The following HDAC9 variants were observed in gnomAD, a reference collection of about 807,000 sequenced individuals.
The protein encoded by HDAC9 is histone deacetylase 9.
In HDAC9, 41 loss-of-function variants were observed where a neutral mutation model predicts 139.4. That is an observed-to-expected ratio of 0.29 (90% confidence interval 0.23 to 0.38). HDAC9 has a LOEUF of 0.38. HDAC9 is among the 10% of genes least tolerant of loss of function. The probability of loss-of-function intolerance (pLI) is 1.00; values close to 1 mark genes in which losing one functional copy is unlikely to be tolerated. For synonymous variants in HDAC9, 517 were observed against 476.2 expected (o/e 1.09, Z -1.12); for missense variants, 1,147 against 1,297.0 (o/e 0.88, Z 1.78).
At chr7:18,956,722 A>G (rs555124199) in intron 24 of HDAC9, among the ~76,000 whole-genome samples, 51 of 152,116 alleles carry the variant, frequency 3.4e-4, no homozygotes, top group Non-Finnish European at 5.9e-4. Context: ...GGGAAGTTCA[A>G]CTTAGCTCCA....
intron 1 of HDAC9, among the ~76,000 whole-genome samples, chr7:18,408,235 C>T (rs1047284723): frequency 3.9e-5 from 6 of 152,106 alleles, no homozygotes; most frequent in Admixed American, 2.6e-4. Flanking sequence ...TTATCAGCTA[C>T]ATGAAGGCAA....
rs1293302742 is a variant in HDAC9, at chr7:18,721,614, T to G, written c.1732-5966T>G. On this transcript the variant is annotated intron_variant, in intron 12 of 25. Transcript: ENST00000686413. ...CTCTTGCTAAAGTCCATGATGATATTGATTCTAGCCCATGAGTAACCACCC... is the reference window on the plus strand; with the variant it reads ...CTCTTGCTAAAGTCCATGATGATATGGATTCTAGCCCATGAGTAACCACCC... Among the ~76,000 whole-genome samples, 15 of 152,192 alleles carry G rather than the reference T, an allele frequency of 9.9e-5. 1 individual carries two copies.
intron 21 of HDAC9, among the ~76,000 whole-genome samples, chr7:18,852,594 T>G (rs963829810): frequency 2.0e-5 from 3 of 152,190 alleles, no homozygotes; most frequent in Non-Finnish European, 4.4e-5. Flanking sequence ...ATGGTAAATA[T>G]GCCTTGGTAC....
At chr7:18,908,975 C>G (rs1458812862) in intron 22 of HDAC9, among the ~76,000 whole-genome samples, 1 of 151,820 alleles carries the variant, frequency 6.6e-6, no homozygotes, top group Non-Finnish European at 1.5e-5. Flanking sequence ...TTTTGAGGAC[C>G]CTCCATACTG....
intron 8 of HDAC9, among the ~76,000 whole-genome samples, chr7:18,643,879 C>CT (rs1221629374): frequency 6.6e-6 from 1 of 151,888 alleles, no homozygotes; most frequent in Non-Finnish European, 1.5e-5. Flanking sequence ...CTAATAAGAC[C>CT]TTTGTAACTC....
At chr7:18,640,484 G>A (rs1171513648) in intron 8 of HDAC9, among the ~76,000 whole-genome samples, 2 of 147,656 alleles carry the variant, frequency 1.4e-5, no homozygotes, top group Non-Finnish European at 3.0e-5. Flanking sequence ...AAAAGTATTT[G>A]TTTATCTTCT....
chr7:18,171,114 TATTTC>T (rs1380466910), intron 2 of HDAC9, among the ~76,000 whole-genome samples: 2 of 152,228 alleles, frequency 1.3e-5, no homozygotes, highest in African/African-American at 4.8e-5. Context: ...TATCCTCTTT[TATTTC>T]ATTGAGCAGT....
chr7:18,262,285 C>T (rs1007112647), intron 2 of HDAC9, among the ~76,000 whole-genome samples: 1 of 152,176 alleles, frequency 6.6e-6, no homozygotes, highest in African/African-American at 2.4e-5. Context: ...ATAAGGCTGA[C>T]AGCTGATTTC....
intron 17 of HDAC9, among the ~76,000 whole-genome samples, chr7:18,808,451 G>A (rs1291268378): frequency 2.0e-5 from 3 of 151,934 alleles, no homozygotes; most frequent in Non-Finnish European, 4.4e-5. Flanking sequence ...AATACTGTTA[G>A]AACTAATAAA....
intron 13 of HDAC9, among the ~76,000 whole-genome samples, chr7:18,741,935 C>G (rs1178153): frequency 0.26 from 39,125 of 152,044 alleles, 5,644 homozygotes; most frequent in East Asian, 0.66. Flanking sequence ...CTCAATATAT[C>G]ACTGAATTGC....
At chr7:18,699,612 T>A (rs1483426884) in intron 12 of HDAC9, among the ~76,000 whole-genome samples, 1 of 152,180 alleles carries the variant, frequency 6.6e-6, no homozygotes, top group Non-Finnish European at 1.5e-5. Context: ...TTTTCCCTGC[T>A]ATAGTGAACA....
chr7:18,754,585 G>T (rs1788720973), intron 14 of HDAC9, among the ~76,000 whole-genome samples: 2 of 152,070 alleles, frequency 1.3e-5, no homozygotes, highest in African/African-American at 4.8e-5. Flanking sequence ...GAATAACTTT[G>T]CTTCGCTTAA....
intron 1 of HDAC9, among the ~76,000 whole-genome samples, chr7:18,307,900 G>A (rs931789798): frequency 3.3e-5 from 5 of 152,152 alleles, no homozygotes; most frequent in Non-Finnish European, 5.9e-5. Flanking sequence ...CAAAACAGCC[G>A]ATGTCACTAA....
chr7:18,373,954 TGGG>T (rs1256540295), intron 1 of HDAC9, among the ~76,000 whole-genome samples: 3 of 151,976 alleles, frequency 2.0e-5, no homozygotes, highest in African/African-American at 7.2e-5. Flanking sequence ...CTAAAAATAA[TGGG>T]GGAGATATTA....
At chr7:18,604,045 T>G (rs1269627688) in intron 6 of HDAC9, among the ~76,000 whole-genome samples, 1 of 152,134 alleles carries the variant, frequency 6.6e-6, no homozygotes, top group Non-Finnish European at 1.5e-5. Flanking sequence ...TCTTTGAAGA[T>G]CTCTTTATCT....
chr7:18,732,308 A>T (rs1786131274), intron 13 of HDAC9, among the ~76,000 whole-genome samples: 1 of 152,196 alleles, frequency 6.6e-6, no homozygotes, highest in Admixed American at 6.5e-5. Context: ...ACTCAGAGGT[A>T]ACCTCTATTA....
Position 18,866,090 on chromosome 7 carries a change from G to A in HDAC9, c.2685-8388G>A, listed in dbSNP as rs369621539. Among the ~76,000 whole-genome samples, 59 of 147,574 alleles carry A rather than the reference G, an allele frequency of 4.0e-4. 1 individual carries two copies. The highest frequency in any genetic ancestry group is 1.4e-3 in the African/African-American group (54 of 39,800). ...ATCCAGTGTCCTCACAGTGGCCTAC[G>A]AGATGCTACATGAACTGGCTTTATG... On this transcript the variant is annotated intron_variant, in intron 21 of 25. Transcript: ENST00000686413.
At chr7:18,970,929 T>G (rs910199738) in intron 24 of HDAC9, among the ~76,000 whole-genome samples, 11 of 152,148 alleles carry the variant, frequency 7.2e-5, no homozygotes, top group African/African-American at 2.7e-4. Context: ...TTGAGAAAAC[T>G]TTTGGTAGAT....
intron 1 of HDAC9, among the ~76,000 whole-genome samples, chr7:18,118,828 GA>G (rs1342606596): frequency 4.6e-5 from 7 of 152,150 alleles, no homozygotes; most frequent in Non-Finnish European, 5.9e-5. Context: ...GCTGAACTTG[GA>G]AGCTGGACAT....
Sources: allele counts gnomAD v4.1 joint callset (sites outside exome capture counted in the v4.1 genomes callset), GRCh38; gene constraint gnomAD v4.1.1; transcripts MANE v1.5; gene names NCBI Gene and HGNC (gene_info 2026-07-23, HGNC 2026-07-21).